UGGT2: variants seen among roughly 807,000 people sequenced by gnomAD.
The protein encoded by UGGT2 is UDP-glucose glycoprotein glucosyltransferase 2.
Under a neutral mutation model 192.1 loss-of-function variants are expected in UGGT2, and 180 were observed. The ratio of observed to expected loss-of-function variants is 0.94; its 90% CI spans 0.83 to 1.06. The LOEUF is 1.06. Ranked by LOEUF, UGGT2 falls within the 50% of genes least tolerant of loss-of-function variation. UGGT2 has a pLI of 0.00. For synonymous variants in UGGT2, 580 were observed against 591.0 expected, an observed-to-expected ratio of 0.98 and a Z score of 0.27; for missense variants, 1,849 against 1,795.7, an observed-to-expected ratio of 1.03 and a Z score of -0.54.
At chr13:95,993,597 T>A (rs2051523582) in intron 7 of UGGT2, among the ~76,000 whole-genome samples, 1 of 152,134 alleles carries the variant, frequency 6.6e-6, no homozygotes, top group Non-Finnish European at 1.5e-5. Flanking sequence ...AAAACCATTT[T>A]GTAAGCTGTA....
At chr13:95,873,368 G>A (rs1891386559) in intron 29 of UGGT2, among the ~76,000 whole-genome samples, 2 of 152,198 alleles carry the variant, frequency 1.3e-5, no homozygotes, top group South Asian at 4.1e-4. Context: ...TTTTGGGAGG[G>A]TAGGAACTGT....
At chr13:95,906,353 A>G (rs1053246326) in intron 20 of UGGT2, among the ~76,000 whole-genome samples, 1 of 152,170 alleles carries the variant, frequency 6.6e-6, no homozygotes, top group African/African-American at 2.4e-5. Context: ...ATATGTGGCT[A>G]TGTATGTATT....
chr13:95,915,212 T>C (rs2048643782), intron 20 of UGGT2, among the ~76,000 whole-genome samples: 1 of 152,226 alleles, frequency 6.6e-6, no homozygotes, highest in African/African-American at 2.4e-5. Context: ...TTCCTTCAGG[T>C]CATTGCTGAA....
At chr13:95,983,915 T>G (rs745613672) in intron 9 of UGGT2, 51 bp from the exon 10 acceptor site, 41 of 1,301,940 alleles carry the variant, frequency 3.1e-5, no homozygotes, top group Non-Finnish European at 3.9e-5. Flanking sequence ...TGTTTAGAAC[T>G]GATCTATATA....
intron 5 of UGGT2, among the ~76,000 whole-genome samples, chr13:96,010,042 G>A (rs1042061033): frequency 3.3e-5 from 5 of 152,040 alleles, no homozygotes; most frequent in African/African-American, 7.2e-5. Flanking sequence ...ATACACTGCC[G>A]GTGGTACTGT....
chr13:95,983,627 G>T (rs1368390450), intron 10 of UGGT2, 177 bp downstream of exon 10: 1 of 663,330 alleles, frequency 1.5e-6, no homozygotes, highest in South Asian at 1.5e-5. Flanking sequence ...TGTCAGAAAA[G>T]ATTGGCTGAT....
intron 38 of UGGT2, among the ~76,000 whole-genome samples, chr13:95,825,118 T>C (rs994283399): frequency 1.3e-5 from 2 of 152,128 alleles, no homozygotes; most frequent in Admixed American, 6.6e-5. Flanking sequence ...GTTGGCAAGT[T>C]TGCTATCTCC....
chr13:95,903,223 A>G (rs2048163685), intron 20 of UGGT2, among the ~76,000 whole-genome samples, 163 bp from the exon 21 acceptor site: 1 of 152,152 alleles, frequency 6.6e-6, no homozygotes, highest in Non-Finnish European at 1.5e-5. Context: ...CCACTGAAAA[A>G]GCCTAACAAT....
At chr13:95,971,086 A>C (rs989815189) in intron 11 of UGGT2, among the ~76,000 whole-genome samples, 1 of 152,150 alleles carries the variant, frequency 6.6e-6, no homozygotes, top group African/African-American at 2.4e-5. Context: ...CGCTACTCTC[A>C]GGATCAGAGC....
intron 12 of UGGT2, among the ~76,000 whole-genome samples, chr13:95,962,598 A>G (rs9561998): frequency 0.41 from 62,482 of 151,972 alleles, 13,058 homozygotes; most frequent in Middle Eastern, 0.46. Flanking sequence ...TGGCTTTACT[A>G]CCTAATTCTA....
At chr13:96,026,922 C>T (rs1217254288) in intron 2 of UGGT2, among the ~76,000 whole-genome samples, 5 of 152,028 alleles carry the variant, frequency 3.3e-5, no homozygotes, top group Admixed American at 6.6e-5. Context: ...CCACCTGCCT[C>T]GGCCTCCCAA....
At chr13:96,021,763 A>C (rs2052522231) in intron 4 of UGGT2, among the ~76,000 whole-genome samples, 1 of 152,202 alleles carries the variant, frequency 6.6e-6, no homozygotes, top group Admixed American at 6.5e-5. Context: ...CCAATAGTTG[A>C]AAAAATAATT....
intron 1 of UGGT2, among the ~76,000 whole-genome samples, chr13:96,050,549 C>T (rs577250798): frequency 9.9e-5 from 15 of 152,122 alleles, no homozygotes; most frequent in Non-Finnish European, 2.1e-4. Context: ...AGGCAACCTA[C>T]AGAATGGGAG....
intron 24 of UGGT2, among the ~76,000 whole-genome samples, chr13:95,891,840 C>T (rs975285288): frequency 6.6e-6 from 1 of 152,048 alleles, no homozygotes; most frequent in African/African-American, 2.4e-5. Context: ...GGATTAATTG[C>T]TCAGCAATTT....
intron 12 of UGGT2, among the ~76,000 whole-genome samples, chr13:95,955,473 T>C (rs1268300409): frequency 6.6e-6 from 1 of 152,220 alleles, no homozygotes; most frequent in Non-Finnish European, 1.5e-5. Flanking sequence ...AGGCTGTTGC[T>C]ACTCATAAGG....
chr13:96,029,593 C>G (rs2052770949), intron 2 of UGGT2, among the ~76,000 whole-genome samples: 2 of 152,064 alleles, frequency 1.3e-5, no homozygotes, highest in Admixed American at 1.3e-4. Flanking sequence ...GCTAGTAATT[C>G]CTACTTTAAT....
At chr13:95,850,309 T>C (rs1161312936) in intron 36 of UGGT2, among the ~76,000 whole-genome samples, 5 of 152,220 alleles carry the variant, frequency 3.3e-5, no homozygotes, top group Admixed American at 3.3e-4. Context: ...GCTTGACCAA[T>C]TGGTCAGAGG....
At chr13:95,995,884 G>A in intron 7 of UGGT2, 179 bp downstream of exon 7, 3 of 584,484 alleles carry the variant, frequency 5.1e-6, no homozygotes, top group Non-Finnish European at 9.0e-6. Context: ...TCTGCTTTCT[G>A]TAGCTTTTTG....
chr13:95,981,918 G>T (rs1031100118), intron 10 of UGGT2, among the ~76,000 whole-genome samples: 1 of 152,192 alleles, frequency 6.6e-6, no homozygotes, highest in African/African-American at 2.4e-5. Flanking sequence ...ATTTAGCCTA[G>T]ATTAGTTACA....
Sources: gnomAD v4.1 joint callset for allele counts (sites outside exome capture counted in the v4.1 genomes callset) on GRCh38, gnomAD v4.1.1 for gene constraint, MANE v1.5 for transcripts, NCBI Gene and HGNC (gene_info 2026-07-23, HGNC 2026-07-21) for gene names.